TP73: variants seen among roughly 807,000 people sequenced by gnomAD.
TP73 encodes p53-like transcription factor.
Under a neutral mutation model 62.5 loss-of-function variants are expected in TP73, and 25 were observed. The observed-to-expected ratio is 0.40, with a 90% CI of 0.29 to 0.56. TP73 has a LOEUF of 0.56. Ranked by LOEUF, TP73 falls within the 20% of genes least tolerant of loss-of-function variation. The pLI is 0.46. For missense variants in TP73, 754 were observed against 913.3 expected, an observed-to-expected ratio of 0.83 and a Z score of 2.25; for synonymous variants, 423 against 377.5, an observed-to-expected ratio of 1.12 and a Z score of -1.40.
rs111707612 is a variant in TP73, at chr1:3,680,024, T to C, written c.-33-2309T>C. Among the ~76,000 whole-genome samples the C allele has an allele frequency of 3.8e-3, 576 of 152,204 alleles. 5 individuals are homozygous for C. The highest frequency in any genetic ancestry group is 0.013 in the African/African-American group (549 of 41,506). On this transcript the variant is annotated intron_variant, in intron 1 of 13. Coordinates refer to ENST00000378295, the MANE Select transcript of TP73 (RefSeq NM_005427.4). ...CTCTTTCTTTGTCCTTGTCTCTCTC[T>C]CTCTGTCTCTCTCTTCCTGTCTCTA...
At position 3,666,124 on chromosome 1, in the gene TP73, CAA is replaced by C. The variant is rs59432695; in HGVS notation, c.-34+13509_-34+13510del. Among the ~76,000 whole-genome samples the C allele has an allele frequency of 0.12, 4,904 of 40,518 alleles. 66 individuals are homozygous for C. The highest frequency in any genetic ancestry group is 0.22 in the African/African-American group (2,399 of 11,002). 26.6% of individuals were successfully genotyped at this position (40,518 alleles called of 152,430 possible). Reference sequence around the variant, plus strand: ...GGGCAACAAGAGCAAAACTCTGTCTCAAAAAAAAAAAAAAAAAAAAAAAAAAA... The same window carrying C: ...GGGCAACAAGAGCAAAACTCTGTCTCAAAAAAAAAAAAAAAAAAAAAAAAA... On this transcript the variant is annotated intron_variant, in intron 1 of 13. Coordinates refer to ENST00000378295, the MANE Select transcript of TP73 (RefSeq NM_005427.4). The surrounding 1 kb of genome is among the most constrained non-coding windows in gnomAD (Gnocchi z 6.4).
At chr1:3,697,901 T>C (rs910409827) in intron 3 of TP73, 1 of 170,984 alleles carries the variant, frequency 5.8e-6, no homozygotes, top group Non-Finnish European at 1.2e-5. Context: ...TTCTCCACCT[T>C]TGGGCTCCTG....
chr1:3,668,516 G>T (rs1222605735), intron 1 of TP73: 1 of 9,900 alleles, frequency 1.0e-4, no homozygotes, highest in Admixed American at 3.7e-4. Context: ...CTTGCTGCAC[G>T]TGTGTGTGTG....
chr1:3,686,991 TA>T (rs1645674500), intron 3 of TP73, among the ~76,000 whole-genome samples: 1 of 152,088 alleles, frequency 6.6e-6, no homozygotes, highest in Admixed American at 6.5e-5. Flanking sequence ...GCCCTGTGTT[TA>T]AGAAAGCTGC....
At chr1:3,732,058 T>C (rs1255995892) in intron 13 of TP73, among the ~76,000 whole-genome samples, 2 of 152,186 alleles carry the variant, frequency 1.3e-5, no homozygotes, top group Non-Finnish European at 1.5e-5. Context: ...GGTTAGAGAC[T>C]AGTGGAGTAC....
chr1:3,687,264 C>T (rs1645682762), intron 3 of TP73, among the ~76,000 whole-genome samples: 1 of 152,220 alleles, frequency 6.6e-6, no homozygotes, highest in Non-Finnish European at 1.5e-5. Flanking sequence ...CTAAAACTGG[C>T]CCAGCCCCTG....
rs1641808835 is a variant in TP73 at position 3,727,912 on chromosome 1, G to C, written c.985+142G>C. 28 of 1,340,504 alleles carry C rather than the reference G, an allele frequency of 2.1e-5. No individual in the cohort carries two copies. The South Asian group carries it at 4.2e-4, about 20-fold the overall frequency. The allele number at this position is 1,340,504 out of a possible 1,614,324, so 83.0% of individuals were successfully genotyped here. ...CCCAGACTCCTCCCTGACGGAGCCT[G>C]AGAGCAGCCCCCATATAAGTCGCTT... is the stretch of plus-strand genomic sequence containing the variant. On this transcript the variant is annotated intron_variant, in intron 8 of 13. Coordinates refer to ENST00000378295, the MANE Select transcript of TP73 (RefSeq NM_005427.4).
At chr1:3,673,011 T>G (rs998679349) in intron 1 of TP73, among the ~76,000 whole-genome samples, 6 of 152,172 alleles carry the variant, frequency 3.9e-5, no homozygotes, top group African/African-American at 1.2e-4. Context: ...ACCCAGCCTC[T>G]GAGGGCCTCA....
chr1:3,682,920 G>A, intron 2 of TP73, 140 bp from the exon 3 acceptor site: 1 of 1,175,314 alleles, frequency 8.5e-7, no homozygotes, highest in Non-Finnish European at 1.2e-6. Flanking sequence ...GGACAGAGAT[G>A]GGATGAGAGG....
chr1:3,723,356 C>A lies in TP73; in HGVS notation c.619C>A (p.Gln207Lys), dbSNP rs890960275. 3 of 1,612,178 alleles carry A rather than the reference C, an allele frequency of 1.9e-6. No homozygotes were observed. The highest frequency in any genetic ancestry group is 2.5e-6 in the Non-Finnish European group (3 of 1,179,486). Residue 207 changes from glutamine to lysine, a missense_variant and splice_region_variant, in exon 6 of 14, where the codon CAG becomes AAG. Gln to Lys is a moderately conservative substitution (Grantham distance 53). Coordinates refer to ENST00000378295, the MANE Select transcript of TP73 (RefSeq NM_005427.4). ...GAAGTGTCGACCCCTCCCGGCAGGA[C>A]AGTCTGCTCCAGCCAGCCACCTCAT... is the stretch of plus-strand genomic sequence containing the variant. ...HELGRDFNEG[Q>K]SAPASHLIRV...
rs944890806 is a variant in TP73 at position 3,701,595 on chromosome 1, C to G, written c.187-5954C>G. Among the ~76,000 whole-genome samples, 2 of 152,184 alleles carry G rather than the reference C, an allele frequency of 1.3e-5. No homozygotes were observed. The highest frequency in any genetic ancestry group is 2.4e-5 in the African/African-American group (1 of 41,434). ...TCTCAGCTCACTGCAACCTCTGCCT[C>G]CCGGGTTCAAGCAATTCTCCTTGCT... is the stretch of plus-strand genomic sequence containing the variant. On this transcript the variant is annotated intron_variant, in intron 3 of 13. Transcript: ENST00000378295. The surrounding 1 kb of genome is among the most constrained non-coding windows in gnomAD (Gnocchi z 4.7).
At chr1:3,730,708 C>T (rs114483348) in intron 11 of TP73, among the ~76,000 whole-genome samples, 1,829 of 152,280 alleles carry the variant, frequency 0.012, 19 homozygotes, top group Non-Finnish European at 0.017. Context: ...GTGCCCCGTA[C>T]GCACGGTCAC....
At chr1:3,719,540 C>T (rs559810616) in intron 4 of TP73, among the ~76,000 whole-genome samples, 26 of 152,352 alleles carry the variant, frequency 1.7e-4, no homozygotes, top group African/African-American at 6.3e-4. Context: ...GAGACCAGTG[C>T]CTGGACACAG....
Position 3,674,188 on chromosome 1 carries a change from G to A in TP73, c.-33-8145G>A, listed in dbSNP as rs530525763. 7.9e-5 allele frequency among the ~76,000 whole-genome samples: 12 copies of A among 152,308 alleles called. No individual in the cohort carries two copies. The South Asian group carries it at 1.4e-3, about 18-fold the overall frequency. Reference sequence around the variant, plus strand: ...GGGGCACCCCCACCCACGGGGGGTCGGGCATTTTGGTTTGGTCATGGCCTC... The same window carrying A: ...GGGGCACCCCCACCCACGGGGGGTCAGGCATTTTGGTTTGGTCATGGCCTC... On this transcript the variant is annotated intron_variant, in intron 1 of 13. Transcript: ENST00000378295.
In TP73 at chr1:3,707,647, C is replaced by T. The variant is rs375422335; in HGVS notation, c.285C>T (p.Thr95=). The part of the protein sequence containing the change: ...YTPEHAASVP[T]HSPYAQPSST... Reference sequence around the variant, plus strand: ...CAGAGCACGCCGCCAGCGTGCCCACCCACTCGCCCTACGCACAACCCAGCT... The same window carrying T: ...CAGAGCACGCCGCCAGCGTGCCCACTCACTCGCCCTACGCACAACCCAGCT... Residue 95 remains threonine (T), a synonymous_variant, in exon 4 of 14, where the codon ACC becomes ACT. Transcript: ENST00000378295. 2.2e-5 allele frequency: 36 copies of T among 1,613,128 alleles called. No individual in the cohort carries two copies. The South Asian group carries it at 3.5e-4, about 16-fold the overall frequency.
chr1:3,669,107 G>T (rs1222184448), intron 1 of TP73, among the ~76,000 whole-genome samples: 1 of 152,232 alleles, frequency 6.6e-6, no homozygotes, highest in Admixed American at 6.5e-5. Context: ...GGAGCCAGGA[G>T]CCAGCCGAGG....
intron 4 of TP73, among the ~76,000 whole-genome samples, chr1:3,720,805 C>T (rs756459411): frequency 1.3e-5 from 2 of 152,266 alleles, no homozygotes; most frequent in South Asian, 4.1e-4. Context: ...GGCCCCCTAA[C>T]TTCCTTGGCA....
At position 3,662,728 on chromosome 1, in the gene TP73, C is replaced by T. The variant is rs1645023932; in HGVS notation, c.-34+10087C>T. On this transcript the variant is annotated intron_variant, in intron 1 of 13. Transcript: ENST00000378295. This position sits in a 1 kb window ranked among gnomAD's most constrained non-coding sequence, Gnocchi z 4.4. Reference sequence around the variant, plus strand: ...TGGGGTGGCGTGTCCTGAGCCCCAACCCAGGTGTCAGGGCTATGGAGGGGA... The same window carrying T: ...TGGGGTGGCGTGTCCTGAGCCCCAATCCAGGTGTCAGGGCTATGGAGGGGA... Among the ~76,000 whole-genome samples the T allele has an allele frequency of 6.6e-6, 1 of 152,160 alleles. No homozygotes were observed. The highest frequency in any genetic ancestry group is 2.4e-5 in the African/African-American group (1 of 41,446).
At chr1:3,656,722 C>T (rs1355174646) in intron 1 of TP73, among the ~76,000 whole-genome samples, 2 of 152,240 alleles carry the variant, frequency 1.3e-5, no homozygotes, top group African/African-American at 4.8e-5. Flanking sequence ...CCCCAGACAC[C>T]TAGGACCGTG....
Sources: allele counts gnomAD v4.1 joint callset (sites outside exome capture counted in the v4.1 genomes callset), GRCh38; gene constraint gnomAD v4.1.1; non-coding constraint Gnocchi (gnomAD v3.1); transcripts MANE v1.5; gene names NCBI Gene and HGNC (gene_info 2026-07-23, HGNC 2026-07-21).